The following RNF150 variants were observed in gnomAD, a reference collection of about 807,000 sequenced individuals.
RNF150 encodes the protein ring finger protein 150.
A neutral mutation model predicts 39.3 loss-of-function variants in RNF150; 24 were observed. That is an observed-to-expected ratio of 0.61 (90% CI 0.44 to 0.86). The LOEUF (loss-of-function observed/expected upper bound fraction) is 0.86. RNF150 is among the 40% of genes least tolerant of loss of function. The pLI, the probability that RNF150 is intolerant of heterozygous loss-of-function variation, is 0.00. For missense variants in RNF150, 502 were observed against 587.8 expected (o/e 0.85, Z 1.51); for synonymous variants, 255 against 227.3 (o/e 1.12, Z -1.10).
intron 4 of RNF150, among the ~76,000 whole-genome samples, chr4:140,940,697 T>A (rs1362168775): frequency 6.6e-6 from 1 of 152,186 alleles, no homozygotes; most frequent in East Asian, 1.9e-4. Context: ...ATGGCAATGA[T>A]CTGGAAATAA....
At chr4:141,127,826 C>T (rs1398257937) in intron 1 of RNF150, among the ~76,000 whole-genome samples, 1 of 152,084 alleles carries the variant, frequency 6.6e-6, no homozygotes, top group Non-Finnish European at 1.5e-5. Flanking sequence ...AGAAAGATAT[C>T]AAACACACTC....
chr4:140,984,035 A>G (rs137997528), intron 1 of RNF150, among the ~76,000 whole-genome samples: 1 of 152,202 alleles, frequency 6.6e-6, no homozygotes, highest in African/African-American at 2.4e-5. Flanking sequence ...CCCCGTGCCC[A>G]GCCGTGTGAC....
intron 1 of RNF150, among the ~76,000 whole-genome samples, chr4:141,066,124 A>G (rs1292757644): frequency 1.3e-5 from 2 of 152,016 alleles, no homozygotes; most frequent in Non-Finnish European, 2.9e-5. Flanking sequence ...ATGAATCAGC[A>G]AAAACTTCCT....
chr4:141,050,566 A>C (rs1479486567), intron 1 of RNF150, among the ~76,000 whole-genome samples: 1 of 152,202 alleles, frequency 6.6e-6, no homozygotes, highest in Non-Finnish European at 1.5e-5. Context: ...AAAATGGCCA[A>C]AATGAAGGGG....
chr4:141,130,792 A>G (rs1289548795), intron 1 of RNF150, among the ~76,000 whole-genome samples: 2 of 152,248 alleles, frequency 1.3e-5, no homozygotes, highest in African/African-American at 4.8e-5. Flanking sequence ...TACATGACTT[A>G]CAGTGCTTTC....
chr4:141,069,123 TC>T lies in RNF150; in HGVS notation c.484+63201del, dbSNP rs1358747194. Among the ~76,000 whole-genome samples the T allele has an allele frequency of 7.6e-5, 10 of 131,476 alleles. No homozygotes were observed. In the East Asian group the frequency reaches 2.4e-3, roughly 31 times the overall value. The allele number at this position is 131,476 out of a possible 152,430, so 86.3% of individuals were successfully genotyped here. A position where few individuals can be genotyped will look rare whatever the true frequency, so the allele number is the denominator to read the frequency against. On this transcript the variant is annotated intron_variant, in intron 1 of 6. Transcript: ENST00000515673. ...TGAATAGGAGTGGTGAGAGAGGGCATCCCTGTCTTGTGCCAGTTTTCAAAGG... is the reference window on the plus strand; with the variant it reads ...TGAATAGGAGTGGTGAGAGAGGGCATCCTGTCTTGTGCCAGTTTTCAAAGG...
chr4:140,973,729 T>C (rs1160526939), intron 1 of RNF150, among the ~76,000 whole-genome samples: 3 of 151,608 alleles, frequency 2.0e-5, no homozygotes, highest in Non-Finnish European at 4.4e-5. Context: ...ATACAAAAAT[T>C]AGACGGGGAT....
At chr4:141,129,449 G>C (rs1726838106) in intron 1 of RNF150, among the ~76,000 whole-genome samples, 1 of 152,170 alleles carries the variant, frequency 6.6e-6, no homozygotes, top group Non-Finnish European at 1.5e-5. Context: ...ATTAGCCTAG[G>C]GCTGGGAGTT....
chr4:141,029,083 T>G lies in RNF150; in HGVS notation c.485-61210A>C, dbSNP rs1402827885. 5.9e-5 allele frequency among the ~76,000 whole-genome samples: 9 copies of G among 152,322 alleles called. No homozygotes were observed. In the East Asian group the frequency reaches 1.7e-3, roughly 29 times the overall value. On this transcript the variant is annotated intron_variant, in intron 1 of 6. Transcript: ENST00000515673. Reference sequence around the variant, plus strand: ...CAGCTATTCTCACAGTCACCCAAGATCTGGCTGCATTTTAATGAAGAAGTT... The same window carrying G: ...CAGCTATTCTCACAGTCACCCAAGAGCTGGCTGCATTTTAATGAAGAAGTT...
chr4:141,097,707 T>G (rs1738848200), intron 1 of RNF150, among the ~76,000 whole-genome samples: 1 of 152,200 alleles, frequency 6.6e-6, no homozygotes, highest in Non-Finnish European at 1.5e-5. Flanking sequence ...TTTTTTTCCT[T>G]TCATTTTTTG....
chr4:140,990,377 A>T (rs1734152769), intron 1 of RNF150, among the ~76,000 whole-genome samples: 1 of 152,208 alleles, frequency 6.6e-6, no homozygotes, highest in Non-Finnish European at 1.5e-5. Flanking sequence ...TTTTAAGTAC[A>T]TATGCAGGAC....
intron 6 of RNF150, among the ~76,000 whole-genome samples, chr4:140,886,571 T>C (rs996347758): frequency 2.0e-5 from 3 of 152,214 alleles, no homozygotes. Context: ...TTCTCTCAGC[T>C]TGAGGCCTGA....
intron 1 of RNF150, among the ~76,000 whole-genome samples, chr4:141,048,118 G>A (rs1736648286): frequency 6.6e-6 from 1 of 152,116 alleles, no homozygotes; most frequent in African/African-American, 2.4e-5. Context: ...CGAAATTCAA[G>A]GGCACTTTCA....
upstream of RNF150, among the ~76,000 whole-genome samples, chr4:141,133,877 C>G (rs1726975844): frequency 6.6e-6 from 1 of 152,132 alleles, no homozygotes. Flanking sequence ...AGTTTTAAAA[C>G]TCAGACCGAT....
chr4:140,896,716 AC>A (rs765939856), intron 6 of RNF150, among the ~76,000 whole-genome samples: 10,608 of 63,510 alleles, frequency 0.17, 929 homozygotes, highest in East Asian at 0.54. Context: ...AAACAAACAA[AC>A]AAACAAAAAA....
intron 1 of RNF150, among the ~76,000 whole-genome samples, chr4:141,051,481 T>G (rs547229859): frequency 1.5e-3 from 234 of 152,312 alleles, no homozygotes; most frequent in African/African-American, 5.5e-3. Flanking sequence ...AGCACCCAAG[T>G]CATCTCTTGA....
chr4:140,965,447 T>A (rs954147507), intron 2 of RNF150, among the ~76,000 whole-genome samples: 1 of 152,134 alleles, frequency 6.6e-6, no homozygotes, highest in Non-Finnish European at 1.5e-5. Flanking sequence ...ACCCCCATGT[T>A]AATTGTGACA....
chr4:140,993,924 G>T (rs1734276740), intron 1 of RNF150, among the ~76,000 whole-genome samples: 1 of 152,152 alleles, frequency 6.6e-6, no homozygotes, highest in Non-Finnish European at 1.5e-5. Flanking sequence ...GGAAGGATGG[G>T]GGACCTGGTA....
intron 1 of RNF150, among the ~76,000 whole-genome samples, chr4:141,084,641 T>G (rs561403332): frequency 7.2e-4 from 110 of 152,308 alleles, no homozygotes; most frequent in Non-Finnish European, 1.2e-3. Flanking sequence ...CAGACAATTC[T>G]AGTACAGAGG....
Sources: gnomAD v4.1 joint callset for allele counts (sites outside exome capture counted in the v4.1 genomes callset) on GRCh38, gnomAD v4.1.1 for gene constraint, MANE v1.5 for transcripts, NCBI Gene and HGNC (gene_info 2026-07-23, HGNC 2026-07-21) for gene names.